NLGN1: variants seen among roughly 807,000 people sequenced by gnomAD.
NLGN1 encodes the protein neuroligin 1.
Under a neutral mutation model 65.5 loss-of-function variants are expected in NLGN1, and 12 were observed. That is an observed-to-expected ratio of 0.18 (90% CI 0.12 to 0.30). NLGN1 has a LOEUF of 0.30. Among genes scored for constraint, NLGN1 ranks in the 10% least tolerant of loss-of-function variants. The pLI, the probability that NLGN1 is intolerant of heterozygous loss-of-function variation, is 1.00. For missense variants in NLGN1, 750 were observed against 1,007.1 expected, an observed-to-expected ratio of 0.74 and a Z score of 3.46; for synonymous variants, 350 against 359.5, an observed-to-expected ratio of 0.97 and a Z score of 0.30.
At chr3:173,747,801 C>CTTCTTCTTTTTTTTTTTT (rs1775714048) in intron 3 of NLGN1, among the ~76,000 whole-genome samples, 1 of 64,422 alleles carries the variant, frequency 1.6e-5, no homozygotes, top group African/African-American at 6.2e-5. Flanking sequence ...TCTTCTTGTT[C>CTTCTTCTTTTTTTTTTTT]TTTTTTTTTT....
At chr3:173,400,259 T>G (rs1218252081) in intron 1 of NLGN1, among the ~76,000 whole-genome samples, 1 of 152,154 alleles carries the variant, frequency 6.6e-6, no homozygotes, top group Non-Finnish European at 1.5e-5. Context: ...AATATTATTA[T>G]TATTATTTCT....
intron 1 of NLGN1, among the ~76,000 whole-genome samples, chr3:173,426,217 T>C (rs1716076094): frequency 6.6e-6 from 1 of 152,140 alleles, no homozygotes; most frequent in Non-Finnish European, 1.5e-5. Context: ...GTTTGTTAGT[T>C]CTAACAGGTT....
intron 2 of NLGN1, among the ~76,000 whole-genome samples, chr3:173,549,617 TATTAG>T (rs1427052233): frequency 6.6e-6 from 1 of 152,096 alleles, no homozygotes. Context: ...GCTTACTCTT[TATTAG>T]ATTAATTTAT....
intron 2 of NLGN1, among the ~76,000 whole-genome samples, chr3:173,472,128 T>C (rs17253575): frequency 0.079 from 11,964 of 152,172 alleles, 662 homozygotes; most frequent in Non-Finnish European, 0.12. Context: ...TGTAAAGTAA[T>C]GCACACGCTA....
At chr3:174,172,323 A>G (rs954823355) in intron 4 of NLGN1, among the ~76,000 whole-genome samples, 3 of 152,084 alleles carry the variant, frequency 2.0e-5, no homozygotes, top group Non-Finnish European at 4.4e-5. Flanking sequence ...AGTTATTTTT[A>G]AATTATAATT....
chr3:174,037,594 C>G (rs1241981551), intron 4 of NLGN1, among the ~76,000 whole-genome samples: 1 of 152,124 alleles, frequency 6.6e-6, no homozygotes, highest in Non-Finnish European at 1.5e-5. Context: ...GTATTACTTA[C>G]AGACAAACAC....
intron 2 of NLGN1, among the ~76,000 whole-genome samples, chr3:173,525,397 G>A (rs1302875927): frequency 6.6e-6 from 1 of 151,920 alleles, no homozygotes; most frequent in East Asian, 1.9e-4. Flanking sequence ...TTTCTAGTTT[G>A]TGCACATGGA....
intron 2 of NLGN1, among the ~76,000 whole-genome samples, chr3:173,544,259 C>CAT (rs144685332): frequency 2.8e-5 from 4 of 144,226 alleles, no homozygotes; most frequent in Admixed American, 6.9e-5. Flanking sequence ...GATTATATTA[C>CAT]GTGTGTGTGT....
chr3:173,518,841 G>A (rs1734287619), intron 2 of NLGN1, among the ~76,000 whole-genome samples: 1 of 152,096 alleles, frequency 6.6e-6, no homozygotes, highest in Admixed American at 6.6e-5. Flanking sequence ...GCAGAAATTC[G>A]CATAACTAAA....
At chr3:174,081,407 C>G (rs1742178619) in intron 4 of NLGN1, among the ~76,000 whole-genome samples, 1 of 152,038 alleles carries the variant, frequency 6.6e-6, no homozygotes, top group Non-Finnish European at 1.5e-5. Context: ...ATGGTGTCTG[C>G]TGAGGCCCAC....
intron 4 of NLGN1, among the ~76,000 whole-genome samples, chr3:173,839,233 C>T (rs1043574143): frequency 6.6e-6 from 1 of 151,760 alleles, no homozygotes; most frequent in Non-Finnish European, 1.5e-5. Context: ...ATATTCATTG[C>T]TCTAGCATTT....
chr3:173,880,674 T>C (rs577863738), intron 4 of NLGN1, among the ~76,000 whole-genome samples: 1 of 152,282 alleles, frequency 6.6e-6, no homozygotes, highest in South Asian at 2.1e-4. Context: ...TTGCCTAAAC[T>C]AAGGCTCTTG....
intron 3 of NLGN1, among the ~76,000 whole-genome samples, chr3:173,687,704 C>T (rs945555325): frequency 6.6e-6 from 1 of 152,130 alleles, no homozygotes; most frequent in Non-Finnish European, 1.5e-5. Context: ...ATTTATTTCA[C>T]TTATATATGT....
At chr3:173,786,189 T>G (rs1325953285) in intron 3 of NLGN1, among the ~76,000 whole-genome samples, 1 of 152,192 alleles carries the variant, frequency 6.6e-6, no homozygotes, top group Non-Finnish European at 1.5e-5. Flanking sequence ...ATTTTATTGA[T>G]TTTTATACAG....
chr3:173,420,697 A>G (rs1714879708), intron 1 of NLGN1, among the ~76,000 whole-genome samples: 1 of 152,206 alleles, frequency 6.6e-6, no homozygotes, highest in African/African-American at 2.4e-5. Flanking sequence ...TCCCACCAAC[A>G]GTGTAGTGTT....
chr3:173,608,663 TTAGA>T (rs2149461376), intron 3 of NLGN1, among the ~76,000 whole-genome samples: 1 of 151,990 alleles, frequency 6.6e-6, no homozygotes, highest in South Asian at 2.1e-4. Context: ...CTTTTTTACA[TTAGA>T]TAGATTTCCG....
chr3:173,760,895 A>T (rs1175192224), intron 3 of NLGN1, among the ~76,000 whole-genome samples: 1 of 152,070 alleles, frequency 6.6e-6, no homozygotes, highest in Non-Finnish European at 1.5e-5. Context: ...TTAATATGTT[A>T]GTATCACAAA....
intron 4 of NLGN1, among the ~76,000 whole-genome samples, chr3:174,236,499 G>A (rs1426103997): frequency 2.0e-5 from 3 of 151,858 alleles, no homozygotes; most frequent in African/African-American, 7.2e-5. Flanking sequence ...ATTGTAGATT[G>A]TAACTCTGAT....
chr3:174,132,550 G>A (rs888009071), intron 4 of NLGN1, among the ~76,000 whole-genome samples: 2 of 151,994 alleles, frequency 1.3e-5, no homozygotes, highest in African/African-American at 4.8e-5. Flanking sequence ...ATAACCTCCT[G>A]TAAAGCTTCT....
Sources: gnomAD v4.1 joint callset for allele counts (sites outside exome capture counted in the v4.1 genomes callset) on GRCh38, gnomAD v4.1.1 for gene constraint, MANE v1.5 for transcripts, NCBI Gene and HGNC (gene_info 2026-07-23, HGNC 2026-07-21) for gene names.